Variants in NSG2 observed in about 807,000 individuals in gnomAD.
The protein encoded by NSG2 is neuronal vesicle trafficking-associated protein 2.
Under a neutral mutation model 16.9 loss-of-function variants are expected in NSG2, and 4 were observed. The observed-to-expected ratio is 0.24, with a 90% CI of 0.12 to 0.54. NSG2 has a LOEUF of 0.54. Ranked by LOEUF, NSG2 falls within the 20% of genes least tolerant of loss-of-function variation. The pLI, the probability that NSG2 is intolerant of heterozygous loss-of-function variation, is 0.95. For missense variants in NSG2, 179 were observed against 221.1 expected, an observed-to-expected ratio of 0.81 and a Z score of 1.21; for synonymous variants, 98 against 88.7, an observed-to-expected ratio of 1.11 and a Z score of -0.59.
intron 3 of NSG2, among the ~76,000 whole-genome samples, chr5:174,097,345 G>A (rs1561674859): frequency 6.6e-6 from 1 of 152,010 alleles, no homozygotes; most frequent in East Asian, 2.0e-4. Context: ...GCGGGGTTGA[G>A]GAGAGGGAAG....
At chr5:174,054,718 G>A (rs1425095211) in intron 2 of NSG2, among the ~76,000 whole-genome samples, 3 of 152,146 alleles carry the variant, frequency 2.0e-5, no homozygotes, top group Non-Finnish European at 2.9e-5. Flanking sequence ...CCATTTCACA[G>A]ACAGTGAATG....
intron 3 of NSG2, among the ~76,000 whole-genome samples, chr5:174,068,310 G>A (rs932795192): frequency 1.3e-5 from 2 of 152,164 alleles, no homozygotes; most frequent in East Asian, 3.8e-4. Flanking sequence ...TAATTGCCTG[G>A]AATTTTTGTC....
At chr5:174,080,511 C>CT (rs1561668565) in intron 3 of NSG2, among the ~76,000 whole-genome samples, 2 of 133,954 alleles carry the variant, frequency 1.5e-5, no homozygotes, top group Non-Finnish European at 3.3e-5. Context: ...TTCTTTCTTT[C>CT]CCTCTTTCTT....
intron 2 of NSG2, among the ~76,000 whole-genome samples, chr5:174,059,151 T>C (rs1327011847): frequency 6.6e-6 from 1 of 152,216 alleles, no homozygotes; most frequent in Non-Finnish European, 1.5e-5. Flanking sequence ...GATAAACATA[T>C]TATACATATA....
At chr5:174,071,701 G>T (rs1442466065) in intron 3 of NSG2, among the ~76,000 whole-genome samples, 1 of 152,192 alleles carries the variant, frequency 6.6e-6, no homozygotes, top group Non-Finnish European at 1.5e-5. Flanking sequence ...GTCCCAGCAC[G>T]TCAGGCTGGC....
intron 3 of NSG2, among the ~76,000 whole-genome samples, chr5:174,078,694 C>A (rs1462177366): frequency 6.6e-6 from 1 of 152,160 alleles, no homozygotes; most frequent in Non-Finnish European, 1.5e-5. Context: ...GGGTGGAGCT[C>A]TCATGAATGG....
intron 3 of NSG2, among the ~76,000 whole-genome samples, chr5:174,068,481 G>A (rs1561664994): frequency 6.6e-6 from 1 of 152,208 alleles, no homozygotes; most frequent in Admixed American, 6.5e-5. Context: ...GCTATGGATG[G>A]TGCTGGTGCT....
intron 3 of NSG2, among the ~76,000 whole-genome samples, chr5:174,067,985 A>G (rs533796743): frequency 6.6e-6 from 1 of 152,252 alleles, no homozygotes; most frequent in Admixed American, 6.5e-5. Context: ...CACCCTTGGA[A>G]CTAATAGGTT....
intron 3 of NSG2, among the ~76,000 whole-genome samples, chr5:174,079,435 T>A (rs1457557130): frequency 2.0e-5 from 3 of 152,136 alleles, no homozygotes; most frequent in African/African-American, 7.2e-5. Flanking sequence ...TTTTTGTATT[T>A]TTAGTAGAGA....
rs1760105067 is a variant in NSG2 at position 174,064,284 on chromosome 5, A to G, written c.182A>G (p.Lys61Arg). The G allele has an allele frequency of 1.2e-6, 2 of 1,612,166 alleles. No homozygotes were observed. The highest frequency in any genetic ancestry group is 1.3e-5 in the African/African-American group (1 of 75,060). Residue 61 changes from lysine (K) to arginine (R), a missense_variant, in exon 3 of 5, where the codon AAG becomes AGG. Lys to Arg is a conservative substitution (Grantham distance 26). Transcript: ENST00000303177. Reference sequence around the variant, plus strand: ...CAGCCGGAACAGAAGAACAAAGGGAAGTTCCGGGTGCCGAAAATCGCTGAA... The same window carrying G: ...CAGCCGGAACAGAAGAACAAAGGGAGGTTCCGGGTGCCGAAAATCGCTGAA... ...EYQPEQKNKGKFRVPKIAEFT... is the reference protein window; with the variant it reads ...EYQPEQKNKGRFRVPKIAEFT...
intron 2 of NSG2, among the ~76,000 whole-genome samples, chr5:174,063,386 A>G (rs1223721516): frequency 1.3e-5 from 2 of 152,226 alleles, no homozygotes; most frequent in Non-Finnish European, 2.9e-5. Context: ...CTGCAAAAAT[A>G]TTCAGACTTT....
intron 2 of NSG2, among the ~76,000 whole-genome samples, chr5:174,052,207 C>T (rs949003841): frequency 3.9e-5 from 6 of 152,062 alleles, no homozygotes; most frequent in East Asian, 3.9e-4. Context: ...GAAGCACCCC[C>T]GATATGGGAG....
intron 3 of NSG2, among the ~76,000 whole-genome samples, chr5:174,068,416 GA>G (rs948648313): frequency 8.5e-5 from 13 of 152,250 alleles, no homozygotes; most frequent in African/African-American, 1.9e-4. Flanking sequence ...AAAATGCAGA[GA>G]AAAAAACCCT....
intron 3 of NSG2, among the ~76,000 whole-genome samples, chr5:174,090,740 C>T (rs12520408): frequency 0.13 from 20,134 of 152,184 alleles, 1,704 homozygotes; most frequent in African/African-American, 0.23. Context: ...GGTAGAGATT[C>T]CTTCCTCCTC....
rs903828675 is a variant in NSG2, at chr5:174,084,412, A to G, written c.214-19816A>G. ...CAAGTCCTGGCCAGATGCAGGGGCT[A>G]TAGAGATGAGTCCTCAGGGCCTCGG... is the stretch of plus-strand genomic sequence containing the variant. On this transcript the variant is annotated intron_variant, in intron 3 of 4. Transcript: ENST00000303177. Among the ~76,000 whole-genome samples, 5 of 152,340 alleles carry G rather than the reference A, an allele frequency of 3.3e-5. No homozygotes were observed. The East Asian group carries it at 5.8e-4, about 18-fold the overall frequency.
chr5:174,103,255 A>G (rs1205294955), intron 3 of NSG2, among the ~76,000 whole-genome samples: 1 of 152,080 alleles, frequency 6.6e-6, no homozygotes, highest in East Asian at 1.9e-4. Context: ...AAAAGTGGTC[A>G]GATTATGGGT....
At chr5:174,054,437 G>T (rs566494668) in intron 2 of NSG2, among the ~76,000 whole-genome samples, 1 of 152,144 alleles carries the variant, frequency 6.6e-6, no homozygotes, top group Admixed American at 6.5e-5. Flanking sequence ...GGAGTGTAGT[G>T]GTGTGATTGT....
At chr5:174,104,922 G>A (rs1760953359) in intron 4 of NSG2, among the ~76,000 whole-genome samples, 1 of 152,168 alleles carries the variant, frequency 6.6e-6, no homozygotes, top group African/African-American at 2.4e-5. Flanking sequence ...GCCTTAAGGA[G>A]AGAATTTAAG....
At chr5:174,093,578 T>A (rs1760751902) in intron 3 of NSG2, among the ~76,000 whole-genome samples, 1 of 152,148 alleles carries the variant, frequency 6.6e-6, no homozygotes, top group South Asian at 2.1e-4. Flanking sequence ...TTTACAGAGG[T>A]TGCAACCCCT....
Sources: gnomAD v4.1 joint callset for allele counts (sites outside exome capture counted in the v4.1 genomes callset) on GRCh38, gnomAD v4.1.1 for gene constraint, MANE v1.5 for transcripts, NCBI Gene and HGNC (gene_info 2026-07-23, HGNC 2026-07-21) for gene names.